The following CTNNA2 variants were observed in gnomAD, a reference collection of about 807,000 sequenced individuals.
CTNNA2 encodes the protein catenin alpha-2.
A neutral mutation model predicts 101.0 loss-of-function variants in CTNNA2; 42 were observed. The observed-to-expected ratio is 0.42, with a 90% CI of 0.32 to 0.54. The LOEUF is 0.54. Ranked by LOEUF, CTNNA2 falls within the 20% of genes least tolerant of loss-of-function variation. The probability of loss-of-function intolerance (pLI) is 0.14; values close to 1 mark genes in which losing one functional copy is unlikely to be tolerated. For synonymous variants in CTNNA2, 450 were observed against 456.4 expected, an observed-to-expected ratio of 0.99 and a Z score of 0.18; for missense variants, 871 against 1,223.1, an observed-to-expected ratio of 0.71 and a Z score of 4.29.
At chr2:80,417,187 G>T (rs1324722500) in intron 8 of CTNNA2, among the ~76,000 whole-genome samples, 18 of 150,838 alleles carry the variant, frequency 1.2e-4, no homozygotes, top group Non-Finnish European at 3.0e-5. Flanking sequence ...AGTACAATAT[G>T]ATATTTTAAT....
chr2:80,181,656 A>AC (rs1375458170), intron 7 of CTNNA2, among the ~76,000 whole-genome samples: 8 of 152,060 alleles, frequency 5.3e-5, no homozygotes, highest in Non-Finnish European at 1.0e-4. Flanking sequence ...CGAGTTCATC[A>AC]TTTTCTTTCA....
rs2149876444 is a variant in CTNNA2, at chr2:80,648,694, C to A, written c.*822C>A. 1 of 152,176 alleles carries A rather than the reference C, an allele frequency of 6.6e-6. No homozygotes were observed. The highest frequency in any genetic ancestry group is 1.9e-4 in the East Asian group (1 of 5,168). 9.4% of individuals were successfully genotyped at this position (152,176 alleles called of 1,614,324 possible). A position where few individuals can be genotyped will look rare whatever the true frequency, so the allele number is the denominator to read the frequency against. The stretch of plus-strand genomic sequence containing the variant: ...ACTGACAACGTGTGAAAGTTAGAGG[C>A]AAATACATAGGTGTAGCTTGGAGTG... On this transcript the variant is annotated 3_prime_UTR_variant, in exon 19 of 19. Transcript: ENST00000402739.
At chr2:79,533,255 T>C (rs1672852615) in intron 1 of CTNNA2, among the ~76,000 whole-genome samples, 1 of 152,146 alleles carries the variant, frequency 6.6e-6, no homozygotes, top group African/African-American at 2.4e-5. Flanking sequence ...ACATAACCTG[T>C]ACTCTTGACT....
intron 1 of CTNNA2, among the ~76,000 whole-genome samples, chr2:79,192,873 A>G (rs1051123860): frequency 1.3e-5 from 2 of 152,028 alleles, no homozygotes; most frequent in Non-Finnish European, 2.9e-5. Context: ...AAAGTGAAGA[A>G]TGATAATTTG....
intron 3 of CTNNA2, among the ~76,000 whole-genome samples, chr2:79,796,298 G>T (rs1053822279): frequency 5.3e-5 from 8 of 150,764 alleles, no homozygotes; most frequent in Non-Finnish European, 1.2e-4. Flanking sequence ...AAATTCAGGA[G>T]AATGGCGTGA....
intron 2 of CTNNA2, among the ~76,000 whole-genome samples, chr2:79,258,140 T>G (rs1350084779): frequency 1.3e-5 from 2 of 152,164 alleles, no homozygotes; most frequent in African/African-American, 4.8e-5. Context: ...CCTGAGCTAC[T>G]GGGGTTAAGA....
intron 2 of CTNNA2, among the ~76,000 whole-genome samples, chr2:79,277,766 G>A (rs1164357901): frequency 6.6e-6 from 1 of 152,026 alleles, no homozygotes; most frequent in African/African-American, 2.4e-5. Flanking sequence ...GGAAAAAGTG[G>A]CGAATGGGAC....
chr2:80,492,056 G>T (rs146680581), intron 9 of CTNNA2, among the ~76,000 whole-genome samples: 7 of 152,136 alleles, frequency 4.6e-5, no homozygotes, highest in Non-Finnish European at 5.9e-5. Flanking sequence ...GTGTGGATTT[G>T]TGTCCCCACC....
chr2:80,109,077 G>A (rs1701055332), intron 7 of CTNNA2, among the ~76,000 whole-genome samples: 1 of 152,208 alleles, frequency 6.6e-6, no homozygotes, highest in Non-Finnish European at 1.5e-5. Context: ...TGGTTTTGAT[G>A]ATGATAAAGT....
At chr2:80,512,751 T>C (rs1003765042) in intron 9 of CTNNA2, among the ~76,000 whole-genome samples, 1 of 152,150 alleles carries the variant, frequency 6.6e-6, no homozygotes, top group Non-Finnish European at 1.5e-5. Flanking sequence ...TTTTAGTATT[T>C]TTTTCATCAC....
At chr2:80,541,936 A>C (rs1253259224) in intron 9 of CTNNA2, among the ~76,000 whole-genome samples, 1 of 109,384 alleles carries the variant, frequency 9.1e-6, no homozygotes, top group Non-Finnish European at 2.0e-5. Context: ...AAAGTAAAGA[A>C]TGTGTAATGA....
intron 7 of CTNNA2, 113 bp downstream of exon 7, chr2:79,909,910 G>C: frequency 8.9e-7 from 1 of 1,117,406 alleles, no homozygotes; most frequent in Non-Finnish European, 1.2e-6. Flanking sequence ...GTTTACCAAA[G>C]AGAGTCAGGT....
At chr2:80,573,226 A>T (rs1335404788) in intron 12 of CTNNA2, 9 of 152,250 alleles carry the variant, frequency 5.9e-5, no homozygotes, top group Non-Finnish European at 1.0e-4. Flanking sequence ...AAATTGAATT[A>T]TAATTTTTGA....
At chr2:79,192,903 T>A (rs1295677869) in intron 1 of CTNNA2, among the ~76,000 whole-genome samples, 1 of 152,058 alleles carries the variant, frequency 6.6e-6, no homozygotes, top group Non-Finnish European at 1.5e-5. Context: ...ATGATACAAT[T>A]AAAGAAATAG....
chr2:79,813,563 T>G (rs1311949782), intron 3 of CTNNA2, among the ~76,000 whole-genome samples: 14 of 152,132 alleles, frequency 9.2e-5, no homozygotes, highest in Admixed American at 9.2e-4. Context: ...TACCTTCAAT[T>G]CAATTTGGGA....
intron 18 of CTNNA2, among the ~76,000 whole-genome samples, chr2:80,635,054 ACT>A (rs1672730858): frequency 6.6e-6 from 1 of 152,070 alleles, no homozygotes; most frequent in Non-Finnish European, 1.5e-5. Flanking sequence ...TGTGAAGATA[ACT>A]CTTGCAAGAA....
chr2:80,435,532 T>G (rs1300095226), intron 9 of CTNNA2, among the ~76,000 whole-genome samples: 1 of 152,174 alleles, frequency 6.6e-6, no homozygotes, highest in Non-Finnish European at 1.5e-5. Flanking sequence ...AATACCTAAT[T>G]AGGATTCTCC....
intron 1 of CTNNA2, among the ~76,000 whole-genome samples, chr2:79,601,830 A>C (rs1301451542): frequency 5.3e-5 from 8 of 152,314 alleles, no homozygotes; most frequent in Non-Finnish European, 8.8e-5. Context: ...ATGCTCCCTG[A>C]CCTATGTCCC....
At chr2:79,366,463 C>A (rs1225785285) in intron 3 of CTNNA2, among the ~76,000 whole-genome samples, 4 of 152,116 alleles carry the variant, frequency 2.6e-5, no homozygotes, top group African/African-American at 9.7e-5. Flanking sequence ...GAGTTTTTCC[C>A]TGCCAGGGCA....
Sources: gnomAD v4.1 joint callset for allele counts (sites outside exome capture counted in the v4.1 genomes callset) on GRCh38, gnomAD v4.1.1 for gene constraint, MANE v1.5 for transcripts, NCBI Gene and HGNC (gene_info 2026-07-23, HGNC 2026-07-21) for gene names.